Variants in GLYATL2 observed in about 807,000 individuals in gnomAD.
GLYATL2 encodes glycine-N-acyltransferase like 2.
A neutral mutation model predicts 21.4 loss-of-function variants in GLYATL2; 25 were observed. The ratio of observed to expected loss-of-function variants is 1.17; its 90% CI spans 0.85 to 1.63. The LOEUF is 1.63. Among genes scored for constraint, GLYATL2 ranks in the 40% most tolerant of loss-of-function variants. The pLI is 0.00. For synonymous variants in GLYATL2, 114 were observed against 118.2 expected, an observed-to-expected ratio of 0.96 and a Z score of 0.23; for missense variants, 361 against 343.3, an observed-to-expected ratio of 1.05 and a Z score of -0.41.
At chr11:58,895,594 AC>A (rs1220676239) in intron 1 of GLYATL2, among the ~76,000 whole-genome samples, 1 of 152,238 alleles carries the variant, frequency 6.6e-6, no homozygotes, top group African/African-American at 2.4e-5. Flanking sequence ...CATGATCATC[AC>A]CTATCAGGGG....
chr11:58,875,231 G>C (rs1280576637), intron 1 of GLYATL2, among the ~76,000 whole-genome samples: 3 of 152,140 alleles, frequency 2.0e-5, no homozygotes, highest in Non-Finnish European at 4.4e-5. Flanking sequence ...GATGGGTCTT[G>C]ACTCTTTATC....
intron 1 of GLYATL2, among the ~76,000 whole-genome samples, chr11:58,882,970 A>G (rs1187950561): frequency 6.6e-6 from 1 of 152,186 alleles, no homozygotes; most frequent in Non-Finnish European, 1.5e-5. Flanking sequence ...CTTGTAGTAT[A>G]GTTTGAAGTC....
chr11:58,890,034 C>T (rs142064141), intron 1 of GLYATL2, among the ~76,000 whole-genome samples: 63 of 152,114 alleles, frequency 4.1e-4, no homozygotes, highest in African/African-American at 1.2e-3. Flanking sequence ...TCTTGGAGTA[C>T]GGACAGATCT....
upstream of GLYATL2, among the ~76,000 whole-genome samples, chr11:58,906,197 C>A (rs949819609): frequency 1.3e-5 from 2 of 152,154 alleles, no homozygotes; most frequent in African/African-American, 4.8e-5. Context: ...CAGCCCAAAA[C>A]CAAGGAGGTT....
chr11:58,869,214 C>A (rs181957998), intron 1 of GLYATL2, among the ~76,000 whole-genome samples: 10 of 152,126 alleles, frequency 6.6e-5, no homozygotes, highest in Non-Finnish European at 1.2e-4. Context: ...GATATAGTCA[C>A]GGGAAATTAG....
At chr11:58,838,184 A>G in intron 3 of GLYATL2, 77 bp downstream of exon 3, 1 of 920,316 alleles carries the variant, frequency 1.1e-6, no homozygotes, top group South Asian at 1.5e-5. Context: ...ACCACTCCTC[A>G]GTTTCAGTTC....
chr11:58,850,285 T>C (rs542540723), intron 1 of GLYATL2, among the ~76,000 whole-genome samples: 1 of 152,158 alleles, frequency 6.6e-6, no homozygotes, highest in African/African-American at 2.4e-5. Flanking sequence ...TTCAGAGGTT[T>C]TATTATGAAG....
chr11:58,851,195 T>A (rs1388886548), intron 1 of GLYATL2, among the ~76,000 whole-genome samples: 1 of 152,190 alleles, frequency 6.6e-6, no homozygotes, highest in Non-Finnish European at 1.5e-5. Context: ...CGCATCTTGG[T>A]GGTAGTGGTC....
intron 3 of GLYATL2, 112 bp downstream of exon 3, chr11:58,838,149 C>T: frequency 1.5e-6 from 1 of 689,024 alleles, no homozygotes; most frequent in South Asian, 1.9e-5. Flanking sequence ...AACCTGCATA[C>T]ATCAACAGTG....
intron 1 of GLYATL2, among the ~76,000 whole-genome samples, chr11:58,851,797 G>A (rs1853745852): frequency 6.6e-6 from 1 of 152,174 alleles, no homozygotes; most frequent in South Asian, 2.1e-4. Flanking sequence ...AGGGGAGATG[G>A]CAAGCCACTG....
intron 1 of GLYATL2, among the ~76,000 whole-genome samples, chr11:58,884,087 G>C (rs1039203407): frequency 1.3e-5 from 2 of 152,136 alleles, no homozygotes; most frequent in African/African-American, 4.8e-5. Context: ...AGCTATTTAT[G>C]ACAAACCCAC....
intron 1 of GLYATL2, chr11:58,878,339 C>A: frequency 1.6e-6 from 1 of 637,076 alleles, no homozygotes; most frequent in Non-Finnish European, 2.3e-6. Context: ...CATGCAGGAT[C>A]CACTTGTGTC....
At chr11:58,857,525 T>C (rs1388512448) in intron 1 of GLYATL2, among the ~76,000 whole-genome samples, 1 of 152,114 alleles carries the variant, frequency 6.6e-6, no homozygotes, top group African/African-American at 2.4e-5. Context: ...GCCCCATGCT[T>C]GCAGAGCCCA....
chr11:58,860,238 A>G (rs917869569), intron 1 of GLYATL2, among the ~76,000 whole-genome samples: 1 of 152,110 alleles, frequency 6.6e-6, no homozygotes, highest in Non-Finnish European at 1.5e-5. Flanking sequence ...AATTCTCCCA[A>G]TCTGTAAATA....
chr11:58,835,922 C>T (rs1853422730), intron 5 of GLYATL2, among the ~76,000 whole-genome samples: 1 of 152,156 alleles, frequency 6.6e-6, no homozygotes, highest in South Asian at 2.1e-4. Context: ...ACTGGTGGGG[C>T]AAAGCAGGAT....
chr11:58,838,449 A>T (rs10896850), intron 2 of GLYATL2, 81 bp from the exon 3 acceptor site: 1 of 861,414 alleles, frequency 1.2e-6, no homozygotes, highest in Non-Finnish European at 1.9e-6. Flanking sequence ...ATAAGACATG[A>T]CATGAGAAAT....
chr11:58,871,374 G>A (rs1211211467), intron 1 of GLYATL2, among the ~76,000 whole-genome samples: 2 of 151,838 alleles, frequency 1.3e-5, no homozygotes, highest in African/African-American at 4.8e-5. Context: ...ATGTTGGTGT[G>A]CTGCACCCAT....
intron 1 of GLYATL2, among the ~76,000 whole-genome samples, chr11:58,894,805 G>A (rs1159344996): frequency 1.3e-5 from 2 of 152,072 alleles, no homozygotes; most frequent in East Asian, 1.9e-4. Flanking sequence ...TGGCTGATTT[G>A]GTACATTGAC....
intron 1 of GLYATL2, among the ~76,000 whole-genome samples, chr11:58,867,018 G>A (rs1404734047): frequency 1.3e-5 from 2 of 148,956 alleles, no homozygotes; most frequent in East Asian, 4.5e-4. Flanking sequence ...GCAGCCCAGA[G>A]GCCCTTGACA....
Sources: gnomAD v4.1 joint callset for allele counts (sites outside exome capture counted in the v4.1 genomes callset) on GRCh38, gnomAD v4.1.1 for gene constraint, MANE v1.5 for transcripts, NCBI Gene and HGNC (gene_info 2026-07-23, HGNC 2026-07-21) for gene names.